GRIA1: variants seen among roughly 807,000 people sequenced by gnomAD.
The protein encoded by GRIA1 is glutamate receptor 1.
A neutral mutation model predicts 99.2 loss-of-function variants in GRIA1; 31 were observed. That is an observed-to-expected ratio of 0.31 (90% CI 0.23 to 0.42). The LOEUF (loss-of-function observed/expected upper bound fraction) is 0.42, where lower values mean the gene tolerates loss of function less well. Among genes scored for constraint, GRIA1 ranks in the 10% least tolerant of loss-of-function variants. The pLI is 1.00. For synonymous variants in GRIA1, 438 were observed against 432.4 expected (o/e 1.01, Z -0.16); for missense variants, 782 against 1,157.5 (o/e 0.68, Z 4.71).
At chr5:153,602,306 C>T (rs1282661246) in intron 2 of GRIA1, among the ~76,000 whole-genome samples, 1 of 151,408 alleles carries the variant, frequency 6.6e-6, no homozygotes, top group Non-Finnish European at 1.5e-5. Flanking sequence ...TGCATGTTCT[C>T]ACTCATAGGT....
At chr5:153,711,657 C>T (rs1192926926) in intron 11 of GRIA1, among the ~76,000 whole-genome samples, 2 of 152,148 alleles carry the variant, frequency 1.3e-5, no homozygotes, top group Non-Finnish European at 2.9e-5. Flanking sequence ...GTGCCCAGTC[C>T]AATGCTACCC....
intron 11 of GRIA1, among the ~76,000 whole-genome samples, chr5:153,748,609 G>A (rs1402775213): frequency 6.6e-6 from 1 of 152,282 alleles, no homozygotes; most frequent in East Asian, 1.9e-4. Flanking sequence ...CAAGAGAAGA[G>A]GCAAGGAAAT....
At chr5:153,540,439 T>A (rs2113484288) in intron 2 of GRIA1, among the ~76,000 whole-genome samples, 1 of 152,288 alleles carries the variant, frequency 6.6e-6, no homozygotes, top group Non-Finnish European at 1.5e-5. Context: ...ATATCCATCA[T>A]CCAGAGACTA....
intron 2 of GRIA1, among the ~76,000 whole-genome samples, chr5:153,550,433 G>GA (rs1227852637): frequency 6.6e-6 from 1 of 151,934 alleles, no homozygotes; most frequent in African/African-American, 2.4e-5. Context: ...CTCAGATAAG[G>GA]AAAAAATGGC....
rs567163454 is a variant in GRIA1, at chr5:153,502,026, C to T, written c.220+7961C>T. Among the ~76,000 whole-genome samples, 4 of 152,362 alleles carry T rather than the reference C, an allele frequency of 2.6e-5. No homozygotes were observed. In the South Asian group the frequency reaches 6.2e-4, roughly 24 times the overall value. On this transcript the variant is annotated intron_variant, in intron 2 of 15. Transcript: ENST00000285900. ...ACTTACACTTACAAACTGCTCCTTC[C>T]ATACTGCTCTGCTGAAATTCTGTCC... is the stretch of plus-strand genomic sequence containing the variant.
At chr5:153,776,341 C>A (rs1201571693) in intron 13 of GRIA1, among the ~76,000 whole-genome samples, 2 of 152,102 alleles carry the variant, frequency 1.3e-5, no homozygotes, top group Non-Finnish European at 2.9e-5. Flanking sequence ...GGCTTTTGTG[C>A]CCCTGCCTAA....
chr5:153,760,478 A>C (rs1234613951), intron 11 of GRIA1, among the ~76,000 whole-genome samples: 1 of 152,136 alleles, frequency 6.6e-6, no homozygotes, highest in Non-Finnish European at 1.5e-5. Context: ...AAGGAGATAA[A>C]ATATTTCTGT....
At chr5:153,644,265 A>C (rs1469948787) in intron 2 of GRIA1, among the ~76,000 whole-genome samples, 1 of 152,164 alleles carries the variant, frequency 6.6e-6, no homozygotes, top group African/African-American at 2.4e-5. Flanking sequence ...TAGACATTTA[A>C]AGACAGTGCC....
chr5:153,753,257 A>G (rs1381397715), intron 11 of GRIA1, among the ~76,000 whole-genome samples: 4 of 152,222 alleles, frequency 2.6e-5, no homozygotes, highest in Admixed American at 6.5e-5. Context: ...TTATGCAACA[A>G]TGGAATACAA....
intron 7 of GRIA1, among the ~76,000 whole-genome samples, chr5:153,683,156 C>T (rs185982339): frequency 7.2e-4 from 110 of 152,282 alleles, no homozygotes; most frequent in Non-Finnish European, 1.2e-3. Flanking sequence ...TGGATGGGGA[C>T]AGTGGTTTCA....
At chr5:153,570,005 A>G (rs779057827) in intron 2 of GRIA1, among the ~76,000 whole-genome samples, 3 of 152,166 alleles carry the variant, frequency 2.0e-5, no homozygotes, top group Non-Finnish European at 4.4e-5. Flanking sequence ...GCCTTACCTT[A>G]CTAATTATTA....
intron 2 of GRIA1, among the ~76,000 whole-genome samples, chr5:153,614,235 A>G (rs1287324687): frequency 6.6e-6 from 1 of 152,152 alleles, no homozygotes; most frequent in Non-Finnish European, 1.5e-5. Flanking sequence ...TAGTTGTTTA[A>G]TGTATCTTCA....
chr5:153,800,577 G>A (rs1489301036), intron 14 of GRIA1, among the ~76,000 whole-genome samples: 2 of 152,178 alleles, frequency 1.3e-5, no homozygotes, highest in East Asian at 1.9e-4. Context: ...GCCTTGCCAA[G>A]TGTAACCTAT....
At chr5:153,660,648 A>T (rs1459978290) in intron 5 of GRIA1, among the ~76,000 whole-genome samples, 1 of 152,158 alleles carries the variant, frequency 6.6e-6, no homozygotes, top group Non-Finnish European at 1.5e-5. Flanking sequence ...CCCATTGGAC[A>T]TCTGTCTCAC....
intron 2 of GRIA1, among the ~76,000 whole-genome samples, chr5:153,579,278 G>A (rs1161613822): frequency 6.6e-6 from 1 of 152,138 alleles, no homozygotes; most frequent in South Asian, 2.1e-4. Flanking sequence ...TTATATTTAT[G>A]TTCATTTGTT....
chr5:153,648,989 C>T (rs1754351798), intron 3 of GRIA1, among the ~76,000 whole-genome samples: 1 of 152,072 alleles, frequency 6.6e-6, no homozygotes, highest in Non-Finnish European at 1.5e-5. Context: ...GTTGGGGGGA[C>T]ACAATGTAAT....
At chr5:153,694,233 T>A (rs745823246) in intron 8 of GRIA1, among the ~76,000 whole-genome samples, 1 of 152,204 alleles carries the variant, frequency 6.6e-6, no homozygotes, top group African/African-American at 2.4e-5. Context: ...TTCTAAGCCA[T>A]ATACATCTGG....
intron 13 of GRIA1, among the ~76,000 whole-genome samples, chr5:153,779,029 TG>T (rs1354306334): frequency 6.6e-6 from 1 of 152,226 alleles, no homozygotes; most frequent in African/African-American, 2.4e-5. Context: ...ATATGTTTTT[TG>T]TTTCTTTCAG....
rs1219690647 is a variant in GRIA1 at position 153,811,775 on chromosome 5, G to A, written c.*550G>A. On this transcript the variant is annotated 3_prime_UTR_variant, in exon 16 of 16. Coordinates refer to ENST00000285900, the MANE Select transcript of GRIA1 (RefSeq NM_000827.4). ...AACCTTCAAACTAATTCTCCATGGGGGCTCTCCATGTTACCCTCCACTCCT... is the reference window on the plus strand; with the variant it reads ...AACCTTCAAACTAATTCTCCATGGGAGCTCTCCATGTTACCCTCCACTCCT... 1 of 154,526 alleles carries A rather than the reference G, an allele frequency of 6.5e-6. No individual in the cohort carries two copies. The highest frequency in any genetic ancestry group is 2.4e-5 in the African/African-American group (1 of 41,404). The allele number at this position is 154,526 out of a possible 1,614,324, so 9.6% of individuals were successfully genotyped here.
Sources: allele counts gnomAD v4.1 joint callset (sites outside exome capture counted in the v4.1 genomes callset), GRCh38; gene constraint gnomAD v4.1.1; transcripts MANE v1.5; gene names NCBI Gene and HGNC (gene_info 2026-07-23, HGNC 2026-07-21).